Variants in KCNJ10 observed in about 807,000 individuals in gnomAD.
KCNJ10 encodes the protein ATP-sensitive inward rectifier potassium channel 10.
In KCNJ10, 9 loss-of-function variants were observed where a neutral mutation model predicts 22.2. The observed-to-expected ratio is 0.40, with a 90% CI of 0.24 to 0.71. KCNJ10 has a LOEUF of 0.71. Ranked by LOEUF, KCNJ10 falls within the 30% of genes least tolerant of loss-of-function variation. KCNJ10 has a pLI of 0.35. For synonymous variants in KCNJ10, 184 were observed against 187.3 expected (o/e 0.98, Z 0.15); for missense variants, 337 against 482.7 (o/e 0.70, Z 2.83).
At chr1:160,055,530 T>A (rs11803743) in intron 1 of KCNJ10, among the ~76,000 whole-genome samples, 149 of 152,326 alleles carry the variant, frequency 9.8e-4, no homozygotes, top group Non-Finnish European at 1.7e-3. Flanking sequence ...GCTCTGCCAT[T>A]TCTAGGTTTT....
chr1:160,056,329 C>G (rs547900478), intron 1 of KCNJ10, among the ~76,000 whole-genome samples: 11 of 152,340 alleles, frequency 7.2e-5, no homozygotes, highest in African/African-American at 2.2e-4. Context: ...CAAAATCCTT[C>G]AATGTCTGAC....
intron 1 of KCNJ10, among the ~76,000 whole-genome samples, chr1:160,051,341 C>T (rs186806817): frequency 1.4e-4 from 21 of 152,258 alleles, no homozygotes; most frequent in African/African-American, 4.3e-4. Flanking sequence ...GGGGAACTAT[C>T]ATGTATTGAA....
chr1:160,061,886 G>A (rs888441688), intron 1 of KCNJ10, among the ~76,000 whole-genome samples: 18 of 152,156 alleles, frequency 1.2e-4, no homozygotes, highest in Admixed American at 4.6e-4. Context: ...GTTGGGAGCC[G>A]TGTGTGGGGC....
rs1292155660 is a variant in KCNJ10 at position 160,043,987 on chromosome 1, A to C, written c.1-1455T>G. On this transcript the variant is annotated intron_variant, in intron 1 of 1. Coordinates refer to ENST00000644903, the MANE Select transcript of KCNJ10 (RefSeq NM_002241.5). ...GCTCATTACATTCTCCATTCGAAAA[A>C]GTCTGAACCATTGCATTTTATGATT... 2.0e-5 allele frequency among the ~76,000 whole-genome samples: 3 copies of C among 152,204 alleles called. No homozygotes were observed. In the South Asian group the frequency reaches 6.2e-4, roughly 31 times the overall value.
chr1:160,062,206 T>A (rs1263392655), intron 1 of KCNJ10, among the ~76,000 whole-genome samples: 2 of 151,794 alleles, frequency 1.3e-5, no homozygotes, highest in African/African-American at 2.4e-5. Context: ...CCATCCCCCC[T>A]GGCCCAGGGC....
intron 1 of KCNJ10, among the ~76,000 whole-genome samples, chr1:160,067,624 T>A (rs1035726402): frequency 2.0e-5 from 3 of 152,160 alleles, no homozygotes; most frequent in Non-Finnish European, 4.4e-5. Flanking sequence ...AAGAGAAGAA[T>A]CTAGGCCGAG....
At chr1:160,066,758 G>A (rs1011823596) in intron 1 of KCNJ10, among the ~76,000 whole-genome samples, 7 of 152,176 alleles carry the variant, frequency 4.6e-5, no homozygotes, top group Admixed American at 3.3e-4. Context: ...GCCCCTGACA[G>A]TTGTCACAAT....
At chr1:160,064,287 C>T (rs532664637) in intron 1 of KCNJ10, among the ~76,000 whole-genome samples, 95 of 152,284 alleles carry the variant, frequency 6.2e-4, no homozygotes, top group South Asian at 5.2e-3. Flanking sequence ...ACATTATTTG[C>T]CCTTTTCACT....
chr1:160,065,209 A>G (rs142866500), intron 1 of KCNJ10, among the ~76,000 whole-genome samples: 1 of 152,240 alleles, frequency 6.6e-6, no homozygotes, highest in African/African-American at 2.4e-5. Flanking sequence ...GAGATCTCCT[A>G]TAGAATTAGA....
At chr1:160,063,262 A>G (rs112856190) in intron 1 of KCNJ10, among the ~76,000 whole-genome samples, 262 of 152,314 alleles carry the variant, frequency 1.7e-3, no homozygotes, top group African/African-American at 5.6e-3. Context: ...GCCAGAAGGC[A>G]TGATCTGGGG....
chr1:160,067,105 C>T (rs1210964042), intron 1 of KCNJ10, among the ~76,000 whole-genome samples: 1 of 152,204 alleles, frequency 6.6e-6, no homozygotes, highest in Non-Finnish European at 1.5e-5. Flanking sequence ...TCCTGCTTCT[C>T]CAACCTCCTT....
At chr1:160,043,154 CA>C (rs1276302060) in intron 1 of KCNJ10, among the ~76,000 whole-genome samples, 1 of 151,984 alleles carries the variant, frequency 6.6e-6, no homozygotes, top group Non-Finnish European at 1.5e-5. Flanking sequence ...GCCTTCACCA[CA>C]AAACCAGTCC....
chr1:160,068,513 G>A (rs945278697), intron 1 of KCNJ10, among the ~76,000 whole-genome samples: 10 of 152,094 alleles, frequency 6.6e-5, no homozygotes, highest in South Asian at 2.1e-4. Flanking sequence ...GGAAGGCAGC[G>A]GGGAAAGGAG....
chr1:160,063,452 G>A (rs1557974447), intron 1 of KCNJ10: 1 of 152,348 alleles, frequency 6.6e-6, no homozygotes, highest in East Asian at 1.9e-4. Context: ...CTCTGGGCTT[G>A]AAAATGTCTT....
intron 1 of KCNJ10, among the ~76,000 whole-genome samples, chr1:160,051,143 C>T (rs1415602185): frequency 6.6e-6 from 1 of 151,828 alleles, no homozygotes; most frequent in African/African-American, 2.4e-5. Flanking sequence ...AGGATGGTCT[C>T]GATTTCTTTA....
At chr1:160,057,423 C>T (rs967324152) in intron 1 of KCNJ10, among the ~76,000 whole-genome samples, 10 of 152,210 alleles carry the variant, frequency 6.6e-5, no homozygotes, top group Admixed American at 3.9e-4. Context: ...AAGATTTACT[C>T]TAGCCCCAGA....
intron 1 of KCNJ10, among the ~76,000 whole-genome samples, chr1:160,053,302 A>G (rs12122979): frequency 0.48 from 73,071 of 152,046 alleles, 17,787 homozygotes; most frequent in East Asian, 0.66. Flanking sequence ...GCGACCTTAG[A>G]GTCCTCCAGA....
Position 160,041,445 on chromosome 1 carries a change from T to TGAG in KCNJ10, c.1087_1088insCTC (p.Glu363delinsAlaGln). On this transcript the variant is annotated protein_altering_variant, in exon 2 of 2. Coordinates refer to ENST00000644903, the MANE Select transcript of KCNJ10 (RefSeq NM_002241.5). This position sits in a 1 kb window ranked among gnomAD's most constrained non-coding sequence, Gnocchi z 4.4. ...GGCACTGCCCTCCTTCTCAGCTTGC[T>TGAG]CCCTTAATGACTCCTCCAACTTGAG... is the stretch of plus-strand genomic sequence containing the variant. 6.2e-7 allele frequency: 1 copy of TGAG among 1,614,076 alleles called. No individual in the cohort carries two copies. Among genetic ancestry groups the TGAG allele is most frequent in the Non-Finnish European group, 8.5e-7 (1 of 1,180,010 alleles).
rs761289460 is a variant in KCNJ10, at chr1:160,041,630, C to T, written c.903G>A (p.Leu301=). The change falls in exon 2 of 2, where the codon CTG becomes CTA. Residue 301 remains leucine, a synonymous_variant. Coordinates refer to ENST00000644903, the MANE Select transcript of KCNJ10 (RefSeq NM_002241.5). This position sits in a 1 kb window ranked among gnomAD's most constrained non-coding sequence, Gnocchi z 4.4. ...SATCQVRTSY[L]PEEILWGYEF... is the part of the protein sequence containing the mutation. The stretch of plus-strand genomic sequence containing the variant: ...CGTAGCCCCAAAGGATCTCCTCTGG[C>T]AGGTAGGAAGTGCGCACCTGACAGG... 1.9e-6 allele frequency: 3 copies of T among 1,614,164 alleles called. No homozygotes were observed. Among genetic ancestry groups the T allele is most frequent in the Non-Finnish European group, 2.5e-6 (3 of 1,180,016 alleles).
Sources: allele counts gnomAD v4.1 joint callset (sites outside exome capture counted in the v4.1 genomes callset), GRCh38; gene constraint gnomAD v4.1.1; non-coding constraint Gnocchi (gnomAD v3.1); transcripts MANE v1.5; gene names NCBI Gene and HGNC (gene_info 2026-07-23, HGNC 2026-07-21).